The following SH3BP5L variants were observed in gnomAD, a reference collection of about 807,000 sequenced individuals.
SH3BP5L encodes the protein SH3 binding domain protein 5 like.
In SH3BP5L, 16 loss-of-function variants were observed where a neutral mutation model predicts 40.9. The ratio of observed to expected loss-of-function variants is 0.39; its 90% CI spans 0.27 to 0.59. The LOEUF (loss-of-function observed/expected upper bound fraction) is 0.59. Among genes scored for constraint, SH3BP5L ranks in the 20% least tolerant of loss-of-function variants. The pLI, the probability that SH3BP5L is intolerant of heterozygous loss-of-function variation, is 0.53. For synonymous variants in SH3BP5L, 229 were observed against 226.7 expected (o/e 1.01, Z -0.09); for missense variants, 471 against 544.6 (o/e 0.86, Z 1.35).
At position 248,812,612 on chromosome 1, in the gene SH3BP5L, GC is replaced by G. The variant is rs60230581; in HGVS notation, c.712-243del. ...CCCAGCAATCCTGCTCCTGACCTGA[GC>G]CCCACCTTCCAGAGCCTTCCTCTCA... On this transcript the variant is annotated intron_variant, in intron 6 of 6. Transcript: ENST00000366472. This position sits in a 1 kb window ranked among gnomAD's most constrained non-coding sequence, Gnocchi z 6.1. Among the ~76,000 whole-genome samples, 8,039 of 152,022 alleles carry G rather than the reference GC, an allele frequency of 0.053. 726 individuals carry two copies. The highest frequency in any genetic ancestry group is 0.18 in the African/African-American group (7,564 of 41,424).
At chr1:248,824,339 C>T (rs1032496195) in intron 2 of SH3BP5L, among the ~76,000 whole-genome samples, 4 of 152,208 alleles carry the variant, frequency 2.6e-5, no homozygotes, top group Non-Finnish European at 5.9e-5. Flanking sequence ...TTCTCTCACT[C>T]AGCCTCAAAA....
chr1:248,811,651 C>G lies in SH3BP5L; in HGVS notation c.*249G>C, dbSNP rs952233631. ...ATCGTGATGAGCTGGCAGGCAGAGG[C>G]AGACAGAGCGCCGAGGGCGAGCCTT... On this transcript the variant is annotated 3_prime_UTR_variant, in exon 7 of 7. Coordinates refer to ENST00000366472, the MANE Select transcript of SH3BP5L (RefSeq NM_030645.3). The G allele has an allele frequency of 2.0e-6, 1 of 497,992 alleles. No individual in the cohort carries two copies. Among genetic ancestry groups the G allele is most frequent in the Non-Finnish European group, 3.5e-6 (1 of 282,342 alleles). The allele number at this position is 497,992 out of a possible 1,614,324, so 30.8% of individuals were successfully genotyped here.
Position 248,816,962 on chromosome 1 carries a change from C to CAG in SH3BP5L, c.184-80_184-79dup, listed in dbSNP as rs200562590. The CAG allele has an allele frequency of 2.4e-5, 38 of 1,606,830 alleles. 1 individual carries two copies. Among genetic ancestry groups the CAG allele is most frequent in the East Asian group, 4.5e-5 (2 of 44,642 alleles). ...TGAACCATGCAAGGCAGGAGCAACACAGAGAGAGAGAGCCCCACTTGCCCA... is the reference window on the plus strand; with the variant it reads ...TGAACCATGCAAGGCAGGAGCAACACAGAGAGAGAGAGAGCCCCACTTGCCCA... On this transcript the variant is annotated intron_variant, in intron 2 of 6. Coordinates refer to ENST00000366472, the MANE Select transcript of SH3BP5L (RefSeq NM_030645.3).
In SH3BP5L at chr1:248,812,930, TC is replaced by T. The variant is rs1356330967; in HGVS notation, c.711+58del. On this transcript the variant is annotated intron_variant, in intron 6 of 6. Coordinates refer to ENST00000366472, the MANE Select transcript of SH3BP5L (RefSeq NM_030645.3). This position sits in a 1 kb window ranked among gnomAD's most constrained non-coding sequence, Gnocchi z 6.1. Reference sequence around the variant, plus strand: ...GATGGCCCAGAGAGGCCGACCAGCATCCCCTCCAGCCTGCACCCCCACCTAC... The same window carrying T: ...GATGGCCCAGAGAGGCCGACCAGCATCCCTCCAGCCTGCACCCCCACCTAC... 1 of 1,468,772 alleles carries T rather than the reference TC, an allele frequency of 6.8e-7. No homozygotes were observed. Among genetic ancestry groups the T allele is most frequent in the African/African-American group, 1.4e-5 (1 of 70,636 alleles). 91.0% of individuals were successfully genotyped at this position (1,468,772 alleles called of 1,614,324 possible).
At chr1:248,818,779 T>G (rs1664177201) in intron 2 of SH3BP5L, among the ~76,000 whole-genome samples, 1 of 152,188 alleles carries the variant, frequency 6.6e-6, no homozygotes, top group Non-Finnish European at 1.5e-5. Context: ...CTAAGGACAC[T>G]ACTGAGGAGC....
chr1:248,816,743 C>T, intron 3 of SH3BP5L, 79 bp downstream of exon 3: 5 of 1,611,838 alleles, frequency 3.1e-6, no homozygotes, highest in Non-Finnish European at 3.4e-6. Context: ...CTCCCACCGC[C>T]ACTGCCTCAA....
rs1262794004 is a variant in SH3BP5L, at chr1:248,821,619, G to C, written c.183+3134C>G. Among the ~76,000 whole-genome samples, 2 of 152,038 alleles carry C rather than the reference G, an allele frequency of 1.3e-5. No individual in the cohort carries two copies. The highest frequency in any genetic ancestry group is 2.9e-5 in the Non-Finnish European group (2 of 68,004). On this transcript the variant is annotated intron_variant, in intron 2 of 6. Transcript: ENST00000366472. The surrounding 1 kb of genome is among the most constrained non-coding windows in gnomAD (Gnocchi z 4.6). ...AGGAAAGAATGCAACCACTAAGAGG[G>C]GGCTGAGAAAGTCACAGAACAGACC...
At chr1:248,814,942 C>G (rs1289178262) in intron 4 of SH3BP5L, 2 of 399,334 alleles carry the variant, frequency 5.0e-6, no homozygotes, top group Non-Finnish European at 9.5e-6. Context: ...TAGACAGAGT[C>G]TTACAGAAAA....
At chr1:248,816,207 C>T (rs553515211) in intron 4 of SH3BP5L, 19 of 234,080 alleles carry the variant, frequency 8.1e-5, no homozygotes, top group African/African-American at 2.9e-4. Flanking sequence ...AGGAAATGGG[C>T]GCAGATGAAA....
In SH3BP5L at chr1:248,821,792, C is replaced by A. The variant is rs372771032; in HGVS notation, c.183+2961G>T. ...AGCAGCCTTCCCTGGAGGGACAGCA[C>A]GCTCCAGGTAGGCACCAGCTGACTT... On this transcript the variant is annotated intron_variant, in intron 2 of 6. Transcript: ENST00000366472. The surrounding 1 kb of genome is among the most constrained non-coding windows in gnomAD (Gnocchi z 4.6). Among the ~76,000 whole-genome samples, 1 of 152,168 alleles carries A rather than the reference C, an allele frequency of 6.6e-6. No individual in the cohort carries two copies. Among genetic ancestry groups the A allele is most frequent in the Non-Finnish European group, 1.5e-5 (1 of 68,032 alleles).
Position 248,813,144 on chromosome 1 carries a change from C to G in SH3BP5L, c.556G>C (p.Glu186Gln). 1 of 1,595,318 alleles carries G rather than the reference C, an allele frequency of 6.3e-7. No homozygotes were observed. The stretch of plus-strand genomic sequence containing the variant: ...TGCTCCCGCTCACCTCGAAGCCGCT[C>G]TTCCTCCGCCTCATTCACCTGGCCC... ...ATCKVNEAEEERLRGEREHQR... is the reference protein window; with the variant it reads ...ATCKVNEAEEQRLRGEREHQR... The change falls in exon 6 of 7, where the codon GAG becomes CAG. Residue 186 changes from glutamate to glutamine, a missense_variant. By Grantham distance (29) the Glu-to-Gln change is conservative. Transcript: ENST00000366472.
chr1:248,812,446 G>T lies in SH3BP5L; in HGVS notation c.712-76C>A. On this transcript the variant is annotated intron_variant, in intron 6 of 6. Transcript: ENST00000366472. This position sits in a 1 kb window ranked among gnomAD's most constrained non-coding sequence, Gnocchi z 6.1. ...TCCTCAGCACTCTGCACTGAGGTCT[G>T]AGGGCCTGCTCTCCCAGAATACCTG... 8.7e-7 allele frequency: 1 copy of T among 1,151,246 alleles called. No homozygotes were observed. The highest frequency in any genetic ancestry group is 1.5e-5 in the African/African-American group (1 of 65,940). 71.3% of individuals were successfully genotyped at this position (1,151,246 alleles called of 1,614,324 possible).
At chr1:248,819,702 CAAAAAAAAAAA>C (rs34840808) in intron 2 of SH3BP5L, among the ~76,000 whole-genome samples, 1 of 72,764 alleles carries the variant, frequency 1.4e-5, no homozygotes, top group Non-Finnish European at 2.9e-5. Flanking sequence ...GACTCAGTCT[CAAAAAAAAAAA>C]AAAAAAAAAA....
At chr1:248,820,522 T>G (rs780904300) in intron 2 of SH3BP5L, 1 of 152,200 alleles carries the variant, frequency 6.6e-6, no homozygotes, top group Non-Finnish European at 1.5e-5. Flanking sequence ...CTCAGCAACT[T>G]TGCATTTGAT....
chr1:248,823,069 C>T (rs1405858504), intron 2 of SH3BP5L, among the ~76,000 whole-genome samples: 7 of 152,338 alleles, frequency 4.6e-5, no homozygotes, highest in Admixed American at 3.9e-4. Context: ...ACTCTTCCTA[C>T]TACTACCATG....
chr1:248,814,701 G>T, intron 4 of SH3BP5L, 91 bp from the exon 5 acceptor site: 1 of 1,328,342 alleles, frequency 7.5e-7, no homozygotes, highest in Non-Finnish European at 1.1e-6. Context: ...AGAGAAGGAG[G>T]AAGGCCTACT....
At chr1:248,816,069 T>C (rs1664097135) in intron 4 of SH3BP5L, 1 of 158,562 alleles carries the variant, frequency 6.3e-6, no homozygotes, top group Admixed American at 6.0e-5. Flanking sequence ...TTATTATGTT[T>C]TTCCAATGGT....
At chr1:248,813,902 G>A (rs1293295796) in intron 5 of SH3BP5L, 1 of 174,366 alleles carries the variant, frequency 5.7e-6, no homozygotes, top group Non-Finnish European at 1.2e-5. Flanking sequence ...CCTGTTCTGT[G>A]TGAGGGGCAG....
rs537964220 is a variant in SH3BP5L, at chr1:248,811,524, G to A, written c.*376C>T. On this transcript the variant is annotated 3_prime_UTR_variant, in exon 7 of 7. Coordinates refer to ENST00000366472, the MANE Select transcript of SH3BP5L (RefSeq NM_030645.3). ...AGGCCCAGCACCCATTTTCTCTGAT[G>A]AGCTTCCCAGTGCCTTCTAGACCAA... 20 of 216,958 alleles carry A rather than the reference G, an allele frequency of 9.2e-5. No individual in the cohort carries two copies. The highest frequency in any genetic ancestry group is 1.5e-4 in the Non-Finnish European group (16 of 110,204). 13.4% of individuals were successfully genotyped at this position (216,958 alleles called of 1,614,324 possible).
Sources: gnomAD v4.1 joint callset for allele counts (sites outside exome capture counted in the v4.1 genomes callset) on GRCh38, gnomAD v4.1.1 for gene constraint, Gnocchi (gnomAD v3.1) non-coding constraint, MANE v1.5 for transcripts, NCBI Gene and HGNC (gene_info 2026-07-23, HGNC 2026-07-21) for gene names.